The following NAV1 variants were observed in gnomAD, a reference collection of about 807,000 sequenced individuals.
NAV1 encodes the protein neuron navigator 1.
NAV1 carries 18 observed loss-of-function variants against 175.2 expected under a neutral mutation model. The ratio of observed to expected loss-of-function variants is 0.10; its 90% confidence interval spans 0.07 to 0.15. The LOEUF is 0.15. Ranked by LOEUF, NAV1 falls within the 10% of genes least tolerant of loss-of-function variation. The pLI is 1.00. For synonymous variants in NAV1, 897 were observed against 978.7 expected (o/e 0.92, Z 1.56); for missense variants, 1,731 against 2,436.6 (o/e 0.71, Z 6.10).
Position 201,631,086 on chromosome 1 carries a change from G to A in NAV1, c.4+1579G>A, listed in dbSNP as rs369897022. On this transcript the variant is annotated intron_variant, in intron 2 of 29. Transcript: ENST00000367302. ...GGTACCTCTGGGGGGACAGAGTGCCGGGGAACATTTGGAGGAGGGTTTTAC... is the reference window on the plus strand; with the variant it reads ...GGTACCTCTGGGGGGACAGAGTGCCAGGGAACATTTGGAGGAGGGTTTTAC... Among the ~76,000 whole-genome samples, 6 of 152,180 alleles carry A rather than the reference G, an allele frequency of 3.9e-5. No homozygotes were observed. The East Asian group carries it at 9.6e-4, about 24-fold the overall frequency.
intron 3 of NAV1, among the ~76,000 whole-genome samples, chr1:201,720,270 A>G (rs732814): frequency 0.27 from 41,545 of 152,132 alleles, 5,997 homozygotes; most frequent in Admixed American, 0.33. Context: ...GAATCCCAGG[A>G]GGGTGCAGAG....
intron 2 of NAV1, among the ~76,000 whole-genome samples, chr1:201,630,085 G>A (rs1218351653): frequency 1.3e-5 from 2 of 152,206 alleles, no homozygotes; most frequent in Non-Finnish European, 2.9e-5. Flanking sequence ...GCATCTTCAG[G>A]TGCTCAGTGT....
intron 1 of NAV1, among the ~76,000 whole-genome samples, chr1:201,549,721 T>C (rs1665792103): frequency 6.8e-6 from 1 of 147,888 alleles, no homozygotes; most frequent in Non-Finnish European, 1.5e-5. Flanking sequence ...TCTTAAGACC[T>C]GGGTGCCGGC....
intron 1 of NAV1, among the ~76,000 whole-genome samples, chr1:201,660,070 G>T (rs1477243831): frequency 6.6e-6 from 1 of 152,154 alleles, no homozygotes; most frequent in Non-Finnish European, 1.5e-5. Context: ...GCTCCCACAG[G>T]GCCTTGATGG....
intron 1 of NAV1, among the ~76,000 whole-genome samples, chr1:201,558,071 T>G (rs1469917605): frequency 1.3e-5 from 2 of 152,228 alleles, no homozygotes; most frequent in Non-Finnish European, 2.9e-5. Context: ...TGCATATTAT[T>G]TATCCCCTCA....
At chr1:201,822,762 G>A (rs922041245) in exon 30 of NAV1, 1 of 152,656 alleles carries the variant, frequency 6.6e-6, no homozygotes, top group Non-Finnish European at 1.5e-5. Flanking sequence ...TCCCTCTGGA[G>A]CCTGGGACCC....
At chr1:201,542,198 G>A (rs1334642034) in intron 1 of NAV1, among the ~76,000 whole-genome samples, 3 of 152,090 alleles carry the variant, frequency 2.0e-5, no homozygotes. Context: ...TTCCCTTTCA[G>A]CAAATCACTG....
intron 3 of NAV1, among the ~76,000 whole-genome samples, chr1:201,763,081 G>A (rs1195671540): frequency 6.6e-6 from 1 of 152,054 alleles, no homozygotes; most frequent in Non-Finnish European, 1.5e-5. Flanking sequence ...TCAAAATAAG[G>A]TCACTCACAT....
At chr1:201,795,314 C>T (rs1054685497) in intron 15 of NAV1, 1 of 152,208 alleles carries the variant, frequency 6.6e-6, no homozygotes, top group African/African-American at 2.4e-5. Context: ...TTCCCCACTC[C>T]ATGCGTTTAT....
chr1:201,760,355 T>C (rs1198037651), intron 3 of NAV1, among the ~76,000 whole-genome samples: 2 of 152,140 alleles, frequency 1.3e-5, no homozygotes, highest in African/African-American at 4.8e-5. Context: ...AATAAATAAA[T>C]AGATTAAACT....
intron 1 of NAV1, among the ~76,000 whole-genome samples, chr1:201,671,138 G>A (rs678092): frequency 0.17 from 26,140 of 152,040 alleles, 2,769 homozygotes; most frequent in African/African-American, 0.3. Flanking sequence ...TGAGGCAAAC[G>A]GTATTACCGA....
chr1:201,810,439 G>A lies in NAV1; in HGVS notation c.4562-84G>A. On this transcript the variant is annotated intron_variant, in intron 23 of 29. Transcript: ENST00000367296. The surrounding 1 kb of genome is among the most constrained non-coding windows in gnomAD (Gnocchi z 6.0). ...TCTGAGTTTCTTCAGGGGGCTCCTA[G>A]ATAAAGAAAGAAAAGCCCTTTAGGA... 1.5e-6 allele frequency: 2 copies of A among 1,314,734 alleles called. No homozygotes were observed. The allele number at this position is 1,314,734 out of a possible 1,614,324, so 81.4% of individuals were successfully genotyped here.
exon 30 of NAV1, chr1:201,822,661 C>T (rs1195939992): frequency 6.5e-6 from 1 of 152,688 alleles, no homozygotes; most frequent in Non-Finnish European, 1.5e-5. Flanking sequence ...CCTCTACTCT[C>T]AGCTGACTGC....
intron 1 of NAV1, among the ~76,000 whole-genome samples, chr1:201,576,724 G>A (rs1404195781): frequency 6.6e-6 from 1 of 152,222 alleles, no homozygotes; most frequent in Non-Finnish European, 1.5e-5. Flanking sequence ...TTTCCAAAGT[G>A]GGTGTACCAT....
chr1:201,751,086 A>G (rs1674071840), intron 3 of NAV1, among the ~76,000 whole-genome samples: 1 of 152,212 alleles, frequency 6.6e-6, no homozygotes, highest in African/African-American at 2.4e-5. Context: ...CAAGAAAAGC[A>G]TGTTAATACC....
intron 1 of NAV1, among the ~76,000 whole-genome samples, chr1:201,657,613 T>C (rs1476585852): frequency 6.6e-6 from 1 of 152,202 alleles, no homozygotes; most frequent in Non-Finnish European, 1.5e-5. Flanking sequence ...ACTGTCTGCA[T>C]CTCAGAGTGG....
chr1:201,703,371 A>G (rs1387615768), intron 1 of NAV1, among the ~76,000 whole-genome samples: 1 of 152,242 alleles, frequency 6.6e-6, no homozygotes, highest in East Asian at 1.9e-4. Flanking sequence ...AAATGAGAGA[A>G]GACAGAATAT....
At chr1:201,635,450 C>T (rs1668595139) in intron 2 of NAV1, among the ~76,000 whole-genome samples, 1 of 152,240 alleles carries the variant, frequency 6.6e-6, no homozygotes, top group Non-Finnish European at 1.5e-5. Context: ...ACTTGTGGGC[C>T]CTTTATGATG....
chr1:201,786,104 C>T (rs1467309318), intron 8 of NAV1, among the ~76,000 whole-genome samples: 1 of 152,100 alleles, frequency 6.6e-6, no homozygotes, highest in Non-Finnish European at 1.5e-5. Flanking sequence ...ACTCTTGCAA[C>T]TTGAAAGCCC....
Sources: allele counts gnomAD v4.1 joint callset (sites outside exome capture counted in the v4.1 genomes callset), GRCh38; gene constraint gnomAD v4.1.1; non-coding constraint Gnocchi (gnomAD v3.1); transcripts MANE v1.5; gene names NCBI Gene and HGNC (gene_info 2026-07-23, HGNC 2026-07-21).